The following SPINK2 variants were observed in gnomAD, a reference collection of about 807,000 sequenced individuals.
SPINK2 encodes serine protease inhibitor Kazal-type 2.
A neutral mutation model predicts 13.5 loss-of-function variants in SPINK2; 8 were observed. The observed-to-expected ratio is 0.59, with a 90% CI of 0.35 to 1.07. The LOEUF is 1.07. Among genes scored for constraint, SPINK2 ranks in the 50% least tolerant of loss-of-function variants. The probability of loss-of-function intolerance (pLI) is 0.02; values close to 1 mark genes in which losing one functional copy is unlikely to be tolerated. For synonymous variants in SPINK2, 76 were observed against 74.7 expected, an observed-to-expected ratio of 1.02 and a Z score of -0.09; for missense variants, 148 against 180.3, an observed-to-expected ratio of 0.82 and a Z score of 1.03.
At chr4:56,813,078 T>C (rs922947788) in intron 2 of SPINK2, among the ~76,000 whole-genome samples, 14 of 152,086 alleles carry the variant, frequency 9.2e-5, no homozygotes, top group Non-Finnish European at 1.6e-4. Context: ...TCCCAGCACT[T>C]TGGGAGGCTG....
rs577163578 is a variant in SPINK2 at position 56,820,582 on chromosome 4, G to C, written c.206-3C>G. 2.5e-6 allele frequency: 4 copies of C among 1,606,972 alleles called. No individual in the cohort carries two copies. Among genetic ancestry groups the C allele is most frequent in the Non-Finnish European group, 3.4e-6 (4 of 1,174,742 alleles). ...ACCAAATTGAGGGATCAGAGAGGCTGTAAGAAGAAAGCATAGACATTTTAC... is the reference window on the plus strand; with the variant it reads ...ACCAAATTGAGGGATCAGAGAGGCTCTAAGAAGAAAGCATAGACATTTTAC... On this transcript the variant is annotated splice_polypyrimidine_tract_variant and splice_region_variant and intron_variant, in intron 1 of 3. Transcript: ENST00000506738.
At chr4:56,811,913 T>C (rs181428251) in intron 2 of SPINK2, 119 bp from the exon 3 acceptor site, 32 of 408,036 alleles carry the variant, frequency 7.8e-5, no homozygotes, top group African/African-American at 6.4e-4. Context: ...ATAAAAATAT[T>C]TTTATTTTCC....
intron 3 of SPINK2, 126 bp downstream of exon 3, chr4:56,811,559 G>C (rs958641246): frequency 8.9e-6 from 4 of 449,170 alleles, no homozygotes; most frequent in Non-Finnish European, 1.5e-5. Context: ...AGAGGTTGCA[G>C]TGAACCAAGA....
upstream of SPINK2, chr4:56,821,710 C>A: frequency 7.1e-7 from 1 of 1,409,062 alleles, no homozygotes; most frequent in South Asian, 1.4e-5. Context: ...TTACCTGCGC[C>A]ACTCGCAGGG....
chr4:56,821,623 C>T lies in SPINK2; in HGVS notation c.40G>A (p.Ala14Thr). The T allele has an allele frequency of 6.5e-7, 1 of 1,549,354 alleles. No individual in the cohort carries two copies. The highest frequency in any genetic ancestry group is 1.2e-5 in the South Asian group (1 of 83,990). The change falls in exon 1 of 4, where the codon GCA (alanine) becomes ACA (threonine). Residue 14 changes from alanine (A) to threonine (T), a missense_variant. Coordinates refer to ENST00000506738, the MANE Select transcript of SPINK2 (RefSeq NM_001271718.2). ...SVLRLALLLL[A>T]VTFAGSARSG... ...CGAGCGCTACCTGCGAAGGTAACTG[C>T]CAGGAGCAGCAGCGCCAAGCGCAGC...
At chr4:56,816,226 C>T (rs2109438663) in intron 2 of SPINK2, among the ~76,000 whole-genome samples, 1 of 152,118 alleles carries the variant, frequency 6.6e-6, no homozygotes, top group South Asian at 2.1e-4. Flanking sequence ...ACTAAGAAAA[C>T]AATTCCACTT....
chr4:56,817,442 T>C (rs1195809669), intron 2 of SPINK2, among the ~76,000 whole-genome samples: 2 of 152,120 alleles, frequency 1.3e-5, no homozygotes, highest in East Asian at 1.9e-4. Context: ...AACTGACAAA[T>C]TGATCTTAAA....
At position 56,811,790 on chromosome 4, in the gene SPINK2, T is replaced by G; in HGVS notation, c.254A>C (p.Asn85Thr). 1 of 1,602,436 alleles carries G rather than the reference T, an allele frequency of 6.2e-7. No homozygotes were observed. Among genetic ancestry groups the G allele is most frequent in the Non-Finnish European group, 8.5e-7 (1 of 1,173,334 alleles). Reference sequence around the variant, plus strand: ...TCCTGGTAATCTATACTGAGAGCAGTTTGGCTGGAAAAAAGAAAGAGAGAA... The same window carrying G: ...TCCTGGTAATCTATACTGAGAGCAGGTTGGCTGGAAAAAAGAAAGAGAGAA... The part of the protein sequence containing the change: ...FGLFSKYRTP[N>T]CSQYRLPGCP... The change falls in exon 3 of 4, where the codon AAC (asparagine) becomes ACC (threonine). Residue 85 changes from asparagine (N) to threonine (T), a missense_variant. By Grantham distance (65) the Asn-to-Thr change is moderately conservative (BLOSUM62 0). Coordinates refer to ENST00000506738, the MANE Select transcript of SPINK2 (RefSeq NM_001271718.2).
chr4:56,818,325 T>C (rs1419870636), intron 2 of SPINK2: 5 of 152,106 alleles, frequency 3.3e-5, no homozygotes, highest in Non-Finnish European at 7.3e-5. Flanking sequence ...AAACCAAAGA[T>C]CTCTTGTGTG....
At position 56,821,504 on chromosome 4, in the gene SPINK2, G is replaced by C; in HGVS notation, c.159C>G (p.Asp53Glu). Reference sequence around the variant, plus strand: ...CGCCAGTAACGGGCGCGCGGGTACCGTCGCCGAGGCCGCCCGGAGCAGGGC... The same window carrying C: ...CGCCAGTAACGGGCGCGCGGGTACCCTCGCCGAGGCCGCCCGGAGCAGGGC... ...GPCPAPGGLG[D>E]GTRAPVTGGS... The change falls in exon 1 of 4, where the codon GAC (aspartate) becomes GAG (glutamate). Residue 53 changes from aspartate to glutamate, a missense_variant. Physicochemically the swap from Asp to Glu is conservative, Grantham distance 45. Coordinates refer to ENST00000506738, the MANE Select transcript of SPINK2 (RefSeq NM_001271718.2). The C allele has an allele frequency of 6.5e-7, 1 of 1,539,636 alleles. No individual in the cohort carries two copies.
At position 56,821,606 on chromosome 4, in the gene SPINK2, A is replaced by C. The variant is rs774998243; in HGVS notation, c.57T>G (p.Gly19=). The C allele has an allele frequency of 5.2e-6, 8 of 1,549,424 alleles. No individual in the cohort carries two copies. Among genetic ancestry groups the C allele is most frequent in the African/African-American group, 1.4e-5 (1 of 72,942 alleles). ...ALLLLAVTFA[G]SARSGPGERG... is the part of the protein sequence containing the mutation. Reference sequence around the variant, plus strand: ...GCTCGCCAGGACCGCTCCGAGCGCTACCTGCGAAGGTAACTGCCAGGAGCA... The same window carrying C: ...GCTCGCCAGGACCGCTCCGAGCGCTCCCTGCGAAGGTAACTGCCAGGAGCA... The change falls in exon 1 of 4, where the codon GGT becomes GGG. Residue 19 remains glycine (G), a synonymous_variant. Transcript: ENST00000506738.
intron 2 of SPINK2, among the ~76,000 whole-genome samples, chr4:56,813,950 G>T (rs7682407): frequency 1.9e-5 from 2 of 102,620 alleles, no homozygotes; most frequent in African/African-American, 4.0e-5. Flanking sequence ...TTGAGACAAA[G>T]TCTCACTCTG....
At chr4:56,816,170 CTCAATTTTATTTCTATACACTAACAA>C (rs1717434814) in intron 2 of SPINK2, among the ~76,000 whole-genome samples, 1 of 152,154 alleles carries the variant, frequency 6.6e-6, no homozygotes, top group African/African-American at 2.4e-5. Flanking sequence ...ATATATAAAA[CTCAATTTTATTTCTATACACTAACAA>C]TGAAAAATCT....
At chr4:56,814,771 C>A (rs1233251273) in intron 2 of SPINK2, among the ~76,000 whole-genome samples, 1 of 151,704 alleles carries the variant, frequency 6.6e-6, no homozygotes, top group South Asian at 2.1e-4. Context: ...ACCATCCTGG[C>A]TAACACGATG....
At chr4:56,811,467 A>C (rs1258637156) in intron 3 of SPINK2, among the ~76,000 whole-genome samples, 1 of 152,122 alleles carries the variant, frequency 6.6e-6, no homozygotes, top group Non-Finnish European at 1.5e-5. Flanking sequence ...AAAATTAAAA[A>C]TTAGCCAAGC....
intron 2 of SPINK2, among the ~76,000 whole-genome samples, chr4:56,815,464 C>A (rs553637522): frequency 2.0e-5 from 3 of 152,128 alleles, no homozygotes; most frequent in Non-Finnish European, 4.4e-5. Flanking sequence ...CTTTTGGAGG[C>A]CAAGGCAGGC....
At chr4:56,820,397 C>T in intron 2 of SPINK2, 139 bp downstream of exon 2, 1 of 623,672 alleles carries the variant, frequency 1.6e-6, no homozygotes, top group Non-Finnish European at 2.9e-6. Flanking sequence ...AATCAAAAGG[C>T]CTGCCTGACA....
Position 56,810,127 on chromosome 4 carries a change from T to A in SPINK2, c.*12A>T, listed in dbSNP as rs982718940. 3 of 1,605,188 alleles carry A rather than the reference T, an allele frequency of 1.9e-6. No individual in the cohort carries two copies. The Admixed American group carries it at 5.1e-5, about 27-fold the overall frequency. ...GGTGGTCTCTCCATCTTCTTTTCTG[T>A]AAACTGCTCCATCAGCAGGGTCCAT... On this transcript the variant is annotated 3_prime_UTR_variant, in exon 4 of 4. Coordinates refer to ENST00000506738, the MANE Select transcript of SPINK2 (RefSeq NM_001271718.2).
chr4:56,821,657 C>G lies in SPINK2; in HGVS notation c.6G>C (p.Ala2=). M[A]LSVLRLALLL... Reference sequence around the variant, plus strand: ...GCAGCGCCAAGCGCAGCACCGACAGCGCCATCCTCCTCCCGCGCCGGCTGT... The same window carrying G: ...GCAGCGCCAAGCGCAGCACCGACAGGGCCATCCTCCTCCCGCGCCGGCTGT... Residue 2 remains alanine (A), a synonymous_variant, in exon 1 of 4, where the codon GCG becomes GCC. Transcript: ENST00000506738. 6.5e-7 allele frequency: 1 copy of G among 1,536,520 alleles called. No individual in the cohort carries two copies. The highest frequency in any genetic ancestry group is 8.7e-7 in the Non-Finnish European group (1 of 1,143,196).
Sources: allele counts gnomAD v4.1 joint callset (sites outside exome capture counted in the v4.1 genomes callset), GRCh38; gene constraint gnomAD v4.1.1; transcripts MANE v1.5; gene names NCBI Gene and HGNC (gene_info 2026-07-23, HGNC 2026-07-21).